Variants in GRM5 observed in about 807,000 individuals in gnomAD.
GRM5 encodes the protein metabotropic glutamate receptor 5.
Under a neutral mutation model 83.1 loss-of-function variants are expected in GRM5, and 19 were observed. That is an observed-to-expected ratio of 0.23 (90% CI 0.16 to 0.34). The LOEUF is 0.34. Ranked by LOEUF, GRM5 falls within the 10% of genes least tolerant of loss-of-function variation. GRM5 has a pLI of 1.00. For synonymous variants in GRM5, 675 were observed against 633.6 expected, an observed-to-expected ratio of 1.07 and a Z score of -0.98; for missense variants, 1,160 against 1,588.3, an observed-to-expected ratio of 0.73 and a Z score of 4.58.
At chr11:89,055,782 G>C (rs527878998) in intron 1 of GRM5, among the ~76,000 whole-genome samples, 1 of 151,686 alleles carries the variant, frequency 6.6e-6, no homozygotes, top group South Asian at 2.1e-4. Flanking sequence ...TGGATGATGG[G>C]GACAATTATA....
chr11:88,993,087 A>G (rs1337996457), intron 2 of GRM5, among the ~76,000 whole-genome samples: 9 of 151,700 alleles, frequency 5.9e-5, no homozygotes, highest in Non-Finnish European at 1.3e-4. Flanking sequence ...TAACATAGTG[A>G]AACCCACCTC....
At chr11:88,777,483 G>A (rs1203563407) in intron 3 of GRM5, among the ~76,000 whole-genome samples, 1 of 152,172 alleles carries the variant, frequency 6.6e-6, no homozygotes, top group Non-Finnish European at 1.5e-5. Flanking sequence ...TCCATTGCTG[G>A]CAAGGAGCTG....
At chr11:88,606,481 A>C (rs571312373) in intron 4 of GRM5, among the ~76,000 whole-genome samples, 3 of 152,348 alleles carry the variant, frequency 2.0e-5, no homozygotes, top group African/African-American at 7.2e-5. Context: ...GCGCCATTGC[A>C]CTCCAGCCTG....
chr11:88,832,115 G>T (rs1468591303), intron 3 of GRM5, among the ~76,000 whole-genome samples: 1 of 152,128 alleles, frequency 6.6e-6, no homozygotes, highest in Non-Finnish European at 1.5e-5. Context: ...TATACCCAAA[G>T]AAATCATACA....
At position 88,508,325 on chromosome 11, in the gene GRM5, G is replaced by C. The variant is rs1941235697; in HGVS notation, c.*267C>G. 2.8e-6 allele frequency: 1 copy of C among 357,402 alleles called. No homozygotes were observed. The highest frequency in any genetic ancestry group is 2.2e-5 in the African/African-American group (1 of 46,208). 22.1% of individuals were successfully genotyped at this position (357,402 alleles called of 1,614,324 possible). A position where few individuals can be genotyped will look rare whatever the true frequency, so the allele number is the denominator to read the frequency against. The stretch of plus-strand genomic sequence containing the variant: ...TTGGTATGGAACTGTTTGAAGAGAC[G>C]CCTTGTCAGCCCTCAAAGATATCAG... On this transcript the variant is annotated 3_prime_UTR_variant, in exon 10 of 10. Coordinates refer to ENST00000305447, the MANE Select transcript of GRM5 (RefSeq NM_001143831.3). This position sits in a 1 kb window ranked among gnomAD's most constrained non-coding sequence, Gnocchi z 4.2.
chr11:88,528,565 A>C (rs1504089), intron 8 of GRM5, among the ~76,000 whole-genome samples: 93,628 of 151,776 alleles, frequency 0.62, 29,099 homozygotes, highest in South Asian at 0.68. Context: ...GAATTTACAG[A>C]TCATGGAATA....
At chr11:88,530,833 T>A (rs981071334) in intron 8 of GRM5, among the ~76,000 whole-genome samples, 3 of 151,796 alleles carry the variant, frequency 2.0e-5, no homozygotes, top group Non-Finnish European at 4.4e-5. Context: ...AAAGGAGAGA[T>A]TTTGATATTG....
chr11:88,655,144 T>C (rs1330514794), intron 3 of GRM5, among the ~76,000 whole-genome samples: 3 of 152,108 alleles, frequency 2.0e-5, no homozygotes, highest in African/African-American at 7.2e-5. Context: ...AAGACAAAAA[T>C]ATAGTAATGT....
At chr11:88,657,572 C>G (rs1008773213) in intron 3 of GRM5, among the ~76,000 whole-genome samples, 1 of 152,132 alleles carries the variant, frequency 6.6e-6, no homozygotes, top group African/African-American at 2.4e-5. Flanking sequence ...CCCAAGATTG[C>G]ATTACCAAAA....
chr11:88,855,061 C>T (rs1187100846), intron 2 of GRM5, among the ~76,000 whole-genome samples: 1 of 151,640 alleles, frequency 6.6e-6, no homozygotes, highest in Non-Finnish European at 1.5e-5. Flanking sequence ...TATATTGTTT[C>T]AATTTATCAA....
At chr11:88,730,200 T>G (rs1941775917) in intron 3 of GRM5, among the ~76,000 whole-genome samples, 1 of 151,826 alleles carries the variant, frequency 6.6e-6, no homozygotes, top group African/African-American at 2.4e-5. Flanking sequence ...GACAACCCCA[T>G]CAAAAAGTGG....
intron 4 of GRM5, among the ~76,000 whole-genome samples, chr11:88,643,240 A>T (rs1939344925): frequency 6.8e-6 from 1 of 148,056 alleles, no homozygotes; most frequent in African/African-American, 2.5e-5. Context: ...GCAGGAGCAA[A>T]AGACAGAGTA....
In GRM5 at chr11:88,653,172, G is replaced by A. The variant is rs775897833; in HGVS notation, c.1143C>T (p.Cys381=). The change falls in exon 4 of 10, where the codon TGC becomes TGT. Residue 381 remains cysteine (C), a synonymous_variant. Transcript: ENST00000305447. ...PQENSKYNKT[C]NSSLTLKTHH... Reference sequence around the variant, plus strand: ...TGAAATAATAAATCTGCTTACTATTGCAAGTCTTGTTGTATTTGCTGTTCT... The same window carrying A: ...TGAAATAATAAATCTGCTTACTATTACAAGTCTTGTTGTATTTGCTGTTCT... 1.3e-6 allele frequency: 2 copies of A among 1,562,416 alleles called. 1 individual carries two copies. The highest frequency in any genetic ancestry group is 2.2e-5 in the South Asian group (2 of 90,062).
chr11:88,923,104 G>A (rs1945722689), intron 2 of GRM5, among the ~76,000 whole-genome samples: 1 of 151,944 alleles, frequency 6.6e-6, no homozygotes, highest in African/African-American at 2.4e-5. Flanking sequence ...TAAAAGACTG[G>A]GAATATAAAT....
intron 3 of GRM5, among the ~76,000 whole-genome samples, chr11:88,738,401 T>A: frequency 6.6e-6 from 1 of 152,038 alleles, no homozygotes; most frequent in Middle Eastern, 3.2e-3. Context: ...TGTATACACA[T>A]CCAAGCCTTT....
chr11:88,830,350 G>A (rs1943966716), intron 3 of GRM5, among the ~76,000 whole-genome samples: 1 of 151,868 alleles, frequency 6.6e-6, no homozygotes, highest in African/African-American at 2.4e-5. Context: ...AAGTGAGAGA[G>A]AGAGGCTTCA....
At chr11:88,628,786 C>T (rs1938877668) in intron 4 of GRM5, among the ~76,000 whole-genome samples, 1 of 152,132 alleles carries the variant, frequency 6.6e-6, no homozygotes, top group South Asian at 2.1e-4. Flanking sequence ...TTATTTCTTG[C>T]TTATATCACA....
At chr11:88,856,615 T>C (rs1944482591) in intron 2 of GRM5, among the ~76,000 whole-genome samples, 1 of 152,078 alleles carries the variant, frequency 6.6e-6, no homozygotes, top group Admixed American at 6.6e-5. Flanking sequence ...CATAAATCAG[T>C]AACATGGTCA....
At chr11:88,915,067 G>T (rs991474010) in intron 2 of GRM5, among the ~76,000 whole-genome samples, 1 of 152,118 alleles carries the variant, frequency 6.6e-6, no homozygotes, top group African/African-American at 2.4e-5. Flanking sequence ...TTTTCCAGAA[G>T]ATGGAATAAT....
Sources: allele counts gnomAD v4.1 joint callset (sites outside exome capture counted in the v4.1 genomes callset), GRCh38; gene constraint gnomAD v4.1.1; non-coding constraint Gnocchi (gnomAD v3.1); transcripts MANE v1.5; gene names NCBI Gene and HGNC (gene_info 2026-07-23, HGNC 2026-07-21).